TDRD1: variants seen among roughly 807,000 people sequenced by gnomAD.
TDRD1 encodes the protein tudor domain-containing protein 1.
A neutral mutation model predicts 140.6 loss-of-function variants in TDRD1; 37 were observed. The ratio of observed to expected loss-of-function variants is 0.26; its 90% CI spans 0.20 to 0.35. The LOEUF (loss-of-function observed/expected upper bound fraction) is 0.35. Ranked by LOEUF, TDRD1 falls within the 10% of genes least tolerant of loss-of-function variation. TDRD1 has a pLI of 1.00. For synonymous variants in TDRD1, 506 were observed against 475.7 expected (o/e 1.06, Z -0.83); for missense variants, 1,243 against 1,393.0 (o/e 0.89, Z 1.71).
At position 114,187,055 on chromosome 10, in the gene TDRD1, G is replaced by A. The variant is rs575301737; in HGVS notation, c.-6-771G>A. 6.6e-5 allele frequency among the ~76,000 whole-genome samples: 10 copies of A among 152,256 alleles called. No homozygotes were observed. The South Asian group carries it at 1.9e-3, about 28-fold the overall frequency. On this transcript the variant is annotated intron_variant, in intron 1 of 25. Coordinates refer to ENST00000251864, the Ensembl canonical transcript of TDRD1. Reference sequence around the variant, plus strand: ...GTCCCTTTTAATTCCCCTGGGCAGGGCACTTAGAATTCTTTAAGAGTAACG... The same window carrying A: ...GTCCCTTTTAATTCCCCTGGGCAGGACACTTAGAATTCTTTAAGAGTAACG...
At chr10:114,197,383 T>C (rs368279962) in intron 3 of TDRD1, among the ~76,000 whole-genome samples, 6 of 152,352 alleles carry the variant, frequency 3.9e-5, no homozygotes, top group East Asian at 3.9e-4. Flanking sequence ...ATTTTTGTTA[T>C]ACTTTTCAGT....
intron 17 of TDRD1, among the ~76,000 whole-genome samples, chr10:114,218,187 A>G (rs1047851134): frequency 6.6e-6 from 1 of 152,242 alleles, no homozygotes; most frequent in East Asian, 1.9e-4. Context: ...AATTCATATC[A>G]AATGTAAAAG....
chr10:114,190,972 TCAC>T lies in TDRD1; in HGVS notation c.343_345del (p.Pro115del), dbSNP rs1162116387. 1.9e-6 allele frequency: 3 copies of T among 1,614,018 alleles called. No homozygotes were observed. The African/African-American group carries it at 4.0e-5, about 22-fold the overall frequency. ...TTTTTCCTCCCCAGGAAACTCAGTG[TCAC>T]CACCAAGTGCTGAAAGTAATTCACC... On this transcript the variant is annotated inframe_deletion, in exon 3 of 26. Coordinates refer to ENST00000251864, the Ensembl canonical transcript of TDRD1.
intron 1 of TDRD1, among the ~76,000 whole-genome samples, chr10:114,181,002 CAAAGA>C (rs1370072385): frequency 1.3e-5 from 2 of 152,076 alleles, no homozygotes; most frequent in African/African-American, 4.8e-5. Context: ...GATAGGATTC[CAAAGA>C]AAAGAGAGGG....
intron 25 of TDRD1, chr10:114,228,140 A>G (rs2036547201): frequency 1.3e-6 from 2 of 1,566,766 alleles, no homozygotes; most frequent in South Asian, 2.4e-5. Flanking sequence ...AGTAAGTTAA[A>G]TCGTATGTTT....
chr10:114,182,907 A>G (rs1275390713), intron 1 of TDRD1, among the ~76,000 whole-genome samples: 1 of 151,978 alleles, frequency 6.6e-6, no homozygotes, highest in Non-Finnish European at 1.5e-5. Context: ...GATGGTCTCA[A>G]TCTCCTGACC....
exon 5 of TDRD1, chr10:114,201,504 T>C (rs1293229732): frequency 3.1e-6 from 5 of 1,612,390 alleles, no homozygotes; most frequent in Non-Finnish European, 4.2e-6. Flanking sequence ...TGTGCAGGCC[T>C]GTTCAGCCAA....
rs762412904 is a variant in TDRD1, at chr10:114,217,600, G to T, written c.2268G>T (p.Lys756Asn). 44 of 1,605,436 alleles carry T rather than the reference G, an allele frequency of 2.7e-5. No homozygotes were observed. In the Admixed American group the frequency reaches 7.2e-4, roughly 26 times the overall value. The change falls in exon 17 of 26, where the codon AAG becomes AAT. Residue 756 changes from lysine (K) to asparagine (N), a missense_variant. Transcript: ENST00000251864. ...CATTAGCAGAACACTGCCAGCAGAA[G>T]TTACCTAATGGTTTCAAGGCAGAGA...
Position 114,203,384 on chromosome 10 carries a change from A to C in TDRD1, c.802-4A>C, listed in dbSNP as rs550432402. On this transcript the variant is annotated splice_polypyrimidine_tract_variant and splice_region_variant and intron_variant, in intron 7 of 25. Transcript: ENST00000251864. ...TTATTCCTCTTTTTTTTTATCTTTG[A>C]AAGGGTACGGTTACCGAATTCAAAC... 8.3e-6 allele frequency: 13 copies of C among 1,570,810 alleles called. No homozygotes were observed. Among genetic ancestry groups the C allele is most frequent in the Admixed American group, 4.1e-5 (2 of 48,196 alleles).
chr10:114,217,705 A>G, intron 17 of TDRD1, 50 bp downstream of exon 17: 1 of 969,916 alleles, frequency 1.0e-6, no homozygotes, highest in Non-Finnish European at 1.6e-6. Context: ...ATATTTCTTA[A>G]CTTAACCTTA....
chr10:114,192,817 C>T (rs993435515), intron 3 of TDRD1, among the ~76,000 whole-genome samples: 5 of 152,084 alleles, frequency 3.3e-5, no homozygotes, highest in Admixed American at 2.0e-4. Flanking sequence ...GTCTGTCTTT[C>T]CAGTACCACA....
chr10:114,210,282 C>A (rs1045412663), intron 11 of TDRD1, among the ~76,000 whole-genome samples: 13 of 152,094 alleles, frequency 8.5e-5, no homozygotes, highest in African/African-American at 2.9e-4. Flanking sequence ...ATTACATTTT[C>A]TTGAACTCTT....
chr10:114,193,074 T>A (rs911339543), intron 3 of TDRD1, among the ~76,000 whole-genome samples: 1 of 152,200 alleles, frequency 6.6e-6, no homozygotes, highest in African/African-American at 2.4e-5. Flanking sequence ...TCTATGAACA[T>A]GGTGTTTCTC....
intron 20 of TDRD1, among the ~76,000 whole-genome samples, chr10:114,221,849 T>C (rs1378120736): frequency 2.6e-5 from 4 of 152,204 alleles, no homozygotes; most frequent in African/African-American, 7.2e-5. Context: ...CTTAGAGACG[T>C]AGAGAAATGT....
intron 23 of TDRD1, among the ~76,000 whole-genome samples, chr10:114,227,564 T>A (rs2036507902): frequency 6.6e-6 from 1 of 152,210 alleles, no homozygotes; most frequent in Non-Finnish European, 1.5e-5. Context: ...TGCCAGGCAT[T>A]CTGCGTGCTT....
intron 25 of TDRD1, among the ~76,000 whole-genome samples, chr10:114,229,821 T>TA (rs1483383613): frequency 6.7e-6 from 1 of 150,074 alleles, no homozygotes; most frequent in African/African-American, 2.4e-5. Flanking sequence ...ATATATATTT[T>TA]TTTTTTATTT....
At chr10:114,183,208 CAG>C (rs2033235295) in intron 1 of TDRD1, among the ~76,000 whole-genome samples, 1 of 152,134 alleles carries the variant, frequency 6.6e-6, no homozygotes, top group South Asian at 2.1e-4. Flanking sequence ...TAAGTAAGGA[CAG>C]TGTTATGAAA....
chr10:114,192,365 G>A (rs557619149), intron 3 of TDRD1, among the ~76,000 whole-genome samples: 117 of 140,616 alleles, frequency 8.3e-4, no homozygotes, highest in African/African-American at 2.9e-3. Context: ...GTGCAGTGGC[G>A]CGATCTCGGC....
At chr10:114,226,256 AT>A (rs138611231) in intron 22 of TDRD1, 40 bp downstream of exon 22, 3,057 of 1,369,726 alleles carry the variant, frequency 2.2e-3, no homozygotes, top group Admixed American at 3.6e-3. Flanking sequence ...GTTTCTGGGT[AT>A]TTTTTTTTTC....
Sources: gnomAD v4.1 joint callset for allele counts (sites outside exome capture counted in the v4.1 genomes callset) on GRCh38, gnomAD v4.1.1 for gene constraint, MANE v1.5 for transcripts, NCBI Gene and HGNC (gene_info 2026-07-23, HGNC 2026-07-21) for gene names.